The following CADM2 variants were observed in gnomAD, a reference collection of about 807,000 sequenced individuals.
CADM2 encodes cell adhesion molecule 2.
A neutral mutation model predicts 49.8 loss-of-function variants in CADM2; 12 were observed. That is an observed-to-expected ratio of 0.24 (90% CI 0.15 to 0.39). The LOEUF (loss-of-function observed/expected upper bound fraction) is 0.39, where lower values mean the gene tolerates loss of function less well. CADM2 is among the 10% of genes least tolerant of loss of function. The pLI is 1.00. For synonymous variants in CADM2, 214 were observed against 175.4 expected, an observed-to-expected ratio of 1.22 and a Z score of -1.74; for missense variants, 378 against 492.3, an observed-to-expected ratio of 0.77 and a Z score of 2.20.
chr3:85,851,729 T>A (rs1577474740), intron 3 of CADM2, among the ~76,000 whole-genome samples: 1 of 149,728 alleles, frequency 6.7e-6, no homozygotes, highest in East Asian at 2.0e-4. Flanking sequence ...CTCAGCAGAG[T>A]AGTGGCAGAT....
chr3:85,117,348 T>A (rs950020705), intron 1 of CADM2, among the ~76,000 whole-genome samples: 1 of 152,106 alleles, frequency 6.6e-6, no homozygotes, highest in Admixed American at 6.6e-5. Flanking sequence ...AAAATAACCC[T>A]AAGGAATATT....
intron 8 of CADM2, among the ~76,000 whole-genome samples, chr3:85,999,271 T>A (rs28526427): frequency 6.3e-5 from 9 of 143,130 alleles, no homozygotes; most frequent in African/African-American, 7.9e-5. Context: ...GGCCGAGGGT[T>A]GGGGGGTGGA....
chr3:85,714,995 G>GA (rs551367356), intron 1 of CADM2, among the ~76,000 whole-genome samples: 5 of 151,268 alleles, frequency 3.3e-5, no homozygotes, highest in Middle Eastern at 3.4e-3. Context: ...ATCGTTCCTG[G>GA]AAAAAAAATT....
chr3:85,743,783 T>G (rs1179163910), intron 2 of CADM2, among the ~76,000 whole-genome samples: 1 of 152,116 alleles, frequency 6.6e-6, no homozygotes, highest in Non-Finnish European at 1.5e-5. Flanking sequence ...TCAAAAGAGA[T>G]TCTAAAGTAT....
intron 8 of CADM2, among the ~76,000 whole-genome samples, chr3:86,026,411 T>C (rs73843576): frequency 0.02 from 3,111 of 152,184 alleles, 87 homozygotes; most frequent in African/African-American, 0.062. Flanking sequence ...AAATTAGATA[T>C]AATTATACTC....
intron 6 of CADM2, among the ~76,000 whole-genome samples, chr3:85,921,714 A>G (rs1029786793): frequency 5.3e-5 from 8 of 151,792 alleles, no homozygotes; most frequent in Admixed American, 5.3e-4. Flanking sequence ...GTGTAGTTCT[A>G]TGGGTTTTGA....
At chr3:85,000,380 G>A (rs780645809) in intron 1 of CADM2, among the ~76,000 whole-genome samples, 3 of 151,122 alleles carry the variant, frequency 2.0e-5, no homozygotes, top group Non-Finnish European at 2.9e-5. Context: ...CTCCCACTTC[G>A]GCCTCCCAAA....
At chr3:85,205,409 A>G (rs1254518428) in intron 1 of CADM2, among the ~76,000 whole-genome samples, 1 of 152,182 alleles carries the variant, frequency 6.6e-6, no homozygotes, top group Non-Finnish European at 1.5e-5. Context: ...ATCTAGGACT[A>G]TAAATAAATA....
At chr3:85,914,310 G>A (rs1488775970) in intron 6 of CADM2, among the ~76,000 whole-genome samples, 5 of 152,068 alleles carry the variant, frequency 3.3e-5, no homozygotes, top group Non-Finnish European at 5.9e-5. Flanking sequence ...TAAAGTAGAG[G>A]AGTCATTCCT....
chr3:85,775,738 T>A (rs1006950803), intron 2 of CADM2, among the ~76,000 whole-genome samples: 2 of 151,994 alleles, frequency 1.3e-5, no homozygotes, highest in Middle Eastern at 3.4e-3. Flanking sequence ...ATATACAATC[T>A]GATACAATAA....
intron 8 of CADM2, among the ~76,000 whole-genome samples, chr3:86,003,503 T>C (rs1464500999): frequency 2.0e-5 from 3 of 152,172 alleles, no homozygotes; most frequent in Non-Finnish European, 1.5e-5. Flanking sequence ...ACCTACCTCA[T>C]AGAATTGCTG....
intron 1 of CADM2, among the ~76,000 whole-genome samples, chr3:84,969,250 C>T (rs923791609): frequency 2.0e-5 from 3 of 151,840 alleles, no homozygotes; most frequent in East Asian, 1.9e-4. Flanking sequence ...CAATAAAAAG[C>T]GTTTTATAAG....
intron 3 of CADM2, among the ~76,000 whole-genome samples, chr3:85,881,122 G>A (rs1712695809): frequency 6.6e-6 from 1 of 151,870 alleles, no homozygotes; most frequent in Admixed American, 6.6e-5. Flanking sequence ...TTCAGATTGG[G>A]TGAATTCTAT....
intron 1 of CADM2, among the ~76,000 whole-genome samples, chr3:85,513,014 A>G (rs540884160): frequency 6.6e-6 from 1 of 152,198 alleles, no homozygotes; most frequent in South Asian, 2.1e-4. Context: ...GAGGAAACAC[A>G]TGTTCCAATG....
intron 1 of CADM2, among the ~76,000 whole-genome samples, chr3:85,035,509 A>T (rs897861568): frequency 6.6e-6 from 1 of 152,162 alleles, no homozygotes; most frequent in African/African-American, 2.4e-5. Flanking sequence ...CCACTGTCCA[A>T]GAGAGTTTTC....
intron 1 of CADM2, among the ~76,000 whole-genome samples, chr3:85,641,941 A>T (rs944397458): frequency 4.6e-5 from 7 of 151,956 alleles, no homozygotes; most frequent in Admixed American, 4.6e-4. Context: ...AAAAAAAATT[A>T]AAAAAAAGAA....
chr3:86,051,038 A>T (rs1381871593), intron 8 of CADM2, among the ~76,000 whole-genome samples: 1 of 151,986 alleles, frequency 6.6e-6, no homozygotes, highest in Admixed American at 6.6e-5. Flanking sequence ...CAGGTTGAAA[A>T]TTTTCCAAGC....
At chr3:85,709,678 T>A (rs1301119905) in intron 1 of CADM2, among the ~76,000 whole-genome samples, 2 of 152,120 alleles carry the variant, frequency 1.3e-5, no homozygotes, top group Non-Finnish European at 2.9e-5. Flanking sequence ...ATGAAAAACA[T>A]TCACATGCAA....
chr3:85,172,480 A>G (rs2040654170), intron 1 of CADM2, among the ~76,000 whole-genome samples: 2 of 152,186 alleles, frequency 1.3e-5, no homozygotes, highest in Admixed American at 1.3e-4. Context: ...GAATTTCAAG[A>G]GTAGTAATTA....
Sources: gnomAD v4.1 joint callset for allele counts (sites outside exome capture counted in the v4.1 genomes callset) on GRCh38, gnomAD v4.1.1 for gene constraint, MANE v1.5 for transcripts, NCBI Gene and HGNC (gene_info 2026-07-23, HGNC 2026-07-21) for gene names.